The following ADGRL2 variants were observed in gnomAD, a reference collection of about 807,000 sequenced individuals.
ADGRL2 encodes the protein calcium-independent alpha-latrotoxin receptor 2.
Under a neutral mutation model 157.4 loss-of-function variants are expected in ADGRL2, and 44 were observed. The ratio of observed to expected loss-of-function variants is 0.28; its 90% CI spans 0.22 to 0.36. ADGRL2 has a LOEUF of 0.36. ADGRL2 is among the 10% of genes least tolerant of loss of function. ADGRL2 has a pLI of 1.00. For synonymous variants in ADGRL2, 585 were observed against 624.7 expected, an observed-to-expected ratio of 0.94 and a Z score of 0.95; for missense variants, 1,510 against 1,768.9, an observed-to-expected ratio of 0.85 and a Z score of 2.63.
chr1:81,344,314 C>T (rs1263733295), intron 1 of ADGRL2, among the ~76,000 whole-genome samples: 1 of 152,120 alleles, frequency 6.6e-6, no homozygotes, highest in Non-Finnish European at 1.5e-5. Context: ...GCAAATGTTA[C>T]AAATCAGGTT....
At chr1:81,856,664 G>A (rs1198531019) in intron 2 of ADGRL2, among the ~76,000 whole-genome samples, 3 of 152,174 alleles carry the variant, frequency 2.0e-5, no homozygotes, top group African/African-American at 7.2e-5. Flanking sequence ...AATTCACCAA[G>A]ATAAGAAATA....
intron 2 of ADGRL2, among the ~76,000 whole-genome samples, chr1:81,861,073 A>G (rs1348954448): frequency 2.0e-5 from 3 of 148,544 alleles, no homozygotes; most frequent in South Asian, 2.1e-4. Context: ...CTGGAGTGCA[A>G]TGGCACAATC....
intron 2 of ADGRL2, among the ~76,000 whole-genome samples, chr1:81,495,559 G>A (rs193127321): frequency 1.3e-5 from 2 of 152,228 alleles, no homozygotes; most frequent in East Asian, 3.9e-4. Flanking sequence ...TAAGCAAACT[G>A]CAATGAAGCA....
chr1:81,825,508 C>G (rs1230488781), intron 1 of ADGRL2, among the ~76,000 whole-genome samples: 1 of 151,830 alleles, frequency 6.6e-6, no homozygotes, highest in Non-Finnish European at 1.5e-5. Flanking sequence ...GCCACCATGC[C>G]TAATTTTTTG....
chr1:81,474,257 C>A (rs1220177925), intron 2 of ADGRL2, among the ~76,000 whole-genome samples: 1 of 152,164 alleles, frequency 6.6e-6, no homozygotes, highest in Non-Finnish European at 1.5e-5. Context: ...AGAAAAGAAT[C>A]ATTATGTTTA....
chr1:81,771,583 C>A (rs1571157066), intron 2 of ADGRL2, among the ~76,000 whole-genome samples: 1 of 152,224 alleles, frequency 6.6e-6, no homozygotes, highest in East Asian at 1.9e-4. Context: ...TGATCATAAA[C>A]CAACCTTACT....
intron 2 of ADGRL2, among the ~76,000 whole-genome samples, chr1:81,904,291 A>G (rs1210168087): frequency 1.3e-5 from 2 of 152,240 alleles, no homozygotes; most frequent in Non-Finnish European, 2.9e-5. Flanking sequence ...CTGCATATAT[A>G]AAGTTTAATC....
chr1:81,878,007 T>C (rs189514152), intron 2 of ADGRL2, among the ~76,000 whole-genome samples: 1 of 152,286 alleles, frequency 6.6e-6, no homozygotes, highest in Admixed American at 6.5e-5. Flanking sequence ...TCCATAATTT[T>C]CCATTTGTTT....
At chr1:81,411,506 C>T (rs1373881385) in intron 1 of ADGRL2, among the ~76,000 whole-genome samples, 1 of 152,020 alleles carries the variant, frequency 6.6e-6, no homozygotes, top group African/African-American at 2.4e-5. Flanking sequence ...TTGCTAATGA[C>T]CTCAAAGTTA....
At chr1:81,974,796 G>A (rs1659702141) in intron 17 of ADGRL2, among the ~76,000 whole-genome samples, 1 of 151,812 alleles carries the variant, frequency 6.6e-6, no homozygotes, top group African/African-American at 2.4e-5. Flanking sequence ...AAATTTCTTT[G>A]TATTTTTATG....
intron 3 of ADGRL2, among the ~76,000 whole-genome samples, chr1:81,931,055 A>G (rs1223980854): frequency 6.6e-6 from 1 of 152,186 alleles, no homozygotes; most frequent in African/African-American, 2.4e-5. Flanking sequence ...AGGCTGAGGC[A>G]GGAGAATTGC....
chr1:81,614,359 C>T (rs2148680967), intron 3 of ADGRL2, among the ~76,000 whole-genome samples: 1 of 152,276 alleles, frequency 6.6e-6, no homozygotes, highest in South Asian at 2.1e-4. Context: ...CTCTTCAATA[C>T]AAATGTCCTA....
At chr1:81,800,683 A>G (rs1340054794), upstream of ADGRL2, among the ~76,000 whole-genome samples, 1 of 151,932 alleles carries the variant, frequency 6.6e-6, no homozygotes, top group Non-Finnish European at 1.5e-5. Context: ...CAGAAATAAA[A>G]TAAATGTTTT....
chr1:81,387,811 G>A (rs1040217659), intron 1 of ADGRL2, among the ~76,000 whole-genome samples: 1 of 152,054 alleles, frequency 6.6e-6, no homozygotes, highest in Non-Finnish European at 1.5e-5. Flanking sequence ...AAAATTCTCA[G>A]TCCTTTTCTC....
At chr1:81,967,635 T>C (rs1572418898) in intron 13 of ADGRL2, among the ~76,000 whole-genome samples, 1 of 152,274 alleles carries the variant, frequency 6.6e-6, no homozygotes, top group East Asian at 1.9e-4. Context: ...CTCTTAGAAC[T>C]AACCAAAAAT....
chr1:81,369,787 A>C (rs910133352), intron 1 of ADGRL2, among the ~76,000 whole-genome samples: 2 of 152,208 alleles, frequency 1.3e-5, no homozygotes, highest in Admixed American at 1.3e-4. Context: ...TTTGAGCATT[A>C]ATTTGCATGA....
At chr1:81,456,747 G>A (rs2077816456) in intron 2 of ADGRL2, among the ~76,000 whole-genome samples, 1 of 151,290 alleles carries the variant, frequency 6.6e-6, no homozygotes, top group Admixed American at 6.6e-5. Flanking sequence ...GACCATCATT[G>A]TGTAACTGCC....
Position 81,454,038 on chromosome 1 carries a change from C to G in ADGRL2, c.-248+8949C>G, listed in dbSNP as rs559788603. On this transcript the variant is annotated intron_variant, in intron 2 of 24. Coordinates refer to the ADGRL2 transcript ENST00000370721. Reference sequence around the variant, plus strand: ...AGTACTTATGGACTTAAGGTGCCGGCAAATAATGTTTCGTTTAAAAGAAAT... The same window carrying G: ...AGTACTTATGGACTTAAGGTGCCGGGAAATAATGTTTCGTTTAAAAGAAAT... Among the ~76,000 whole-genome samples the G allele has an allele frequency of 5.9e-5, 9 of 152,132 alleles. No homozygotes were observed. The East Asian group carries it at 1.7e-3, about 29-fold the overall frequency.
intron 2 of ADGRL2, among the ~76,000 whole-genome samples, chr1:81,897,172 G>A (rs1195725457): frequency 6.6e-6 from 1 of 152,160 alleles, no homozygotes; most frequent in African/African-American, 2.4e-5. Context: ...CTTGAACTGG[G>A]TTTTGAAGAG....
Sources: allele counts gnomAD v4.1 joint callset (sites outside exome capture counted in the v4.1 genomes callset), GRCh38; gene constraint gnomAD v4.1.1; transcripts MANE v1.5; gene names NCBI Gene and HGNC (gene_info 2026-07-23, HGNC 2026-07-21).